Variants in NFATC1 observed in about 807,000 individuals in gnomAD.
NFATC1 encodes nuclear factor of activated T cells 1.
Under a neutral mutation model 76.0 loss-of-function variants are expected in NFATC1, and 22 were observed. The observed-to-expected ratio is 0.29, with a 90% CI of 0.21 to 0.41. The LOEUF is 0.41. Ranked by LOEUF, NFATC1 falls within the 10% of genes least tolerant of loss-of-function variation. The pLI is 1.00. For synonymous variants in NFATC1, 704 were observed against 613.1 expected, an observed-to-expected ratio of 1.15 and a Z score of -2.19; for missense variants, 1,357 against 1,337.7, an observed-to-expected ratio of 1.01 and a Z score of -0.23.
At chr18:79,523,105 G>A (rs1315746092) in intron 9 of NFATC1, among the ~76,000 whole-genome samples, 1 of 152,188 alleles carries the variant, frequency 6.6e-6, no homozygotes, top group African/African-American at 2.4e-5. Flanking sequence ...TGCCGCTCCC[G>A]GGGCTGTTGC....
At chr18:79,479,418 C>T (rs2089198230) in intron 8 of NFATC1, among the ~76,000 whole-genome samples, 1 of 152,242 alleles carries the variant, frequency 6.6e-6, no homozygotes. Context: ...TGCAGACGCT[C>T]ACTCACTTTC....
At chr18:79,456,965 C>T (rs1040206086) in intron 6 of NFATC1, among the ~76,000 whole-genome samples, 20 of 152,344 alleles carry the variant, frequency 1.3e-4, no homozygotes, top group Admixed American at 3.3e-4. Context: ...AAGGCAGCAT[C>T]GCAATGACAA....
chr18:79,396,194 C>T lies in NFATC1; in HGVS notation c.-31C>T, dbSNP rs527278438. On this transcript the variant is annotated 5_prime_UTR_variant, in exon 1 of 10. Transcript: ENST00000427363. ...CGGCCGCTTCTCCTGTGCCTCCGCC[C>T]GCCGCTCCACTCCCCGCCGCCGCCG... is the stretch of plus-strand genomic sequence containing the variant. 8.3e-6 allele frequency: 12 copies of T among 1,454,418 alleles called. No homozygotes were observed. The East Asian group carries it at 2.8e-4, about 34-fold the overall frequency. The allele number at this position is 1,454,418 out of a possible 1,614,324, so 90.1% of individuals were successfully genotyped here.
intron 1 of NFATC1, among the ~76,000 whole-genome samples, chr18:79,405,071 G>A (rs753846178): frequency 2.3e-4 from 35 of 152,148 alleles, no homozygotes; most frequent in Admixed American, 5.9e-4. Context: ...CCTGAGAGCC[G>A]GGTGCTCCCC....
intron 1 of NFATC1, among the ~76,000 whole-genome samples, chr18:79,397,819 G>C (rs569607409): frequency 6.6e-6 from 1 of 152,168 alleles, no homozygotes; most frequent in Non-Finnish European, 1.5e-5. Context: ...ACACGACGGG[G>C]CAGTGGCTAG....
At chr18:79,476,908 C>A (rs1042887670) in intron 8 of NFATC1, among the ~76,000 whole-genome samples, 2 of 152,204 alleles carry the variant, frequency 1.3e-5, no homozygotes, top group Non-Finnish European at 2.9e-5. Context: ...CCTTGGAACG[C>A]GCTTCAGCAG....
chr18:79,491,458 G>A (rs1192929125), intron 9 of NFATC1, among the ~76,000 whole-genome samples: 1 of 152,206 alleles, frequency 6.6e-6, no homozygotes, highest in Non-Finnish European at 1.5e-5. Context: ...AGCTGGGGTT[G>A]GAGGAAACAG....
At chr18:79,400,973 C>T (rs1366572819) in intron 1 of NFATC1, among the ~76,000 whole-genome samples, 1 of 83,996 alleles carries the variant, frequency 1.2e-5, no homozygotes, top group African/African-American at 4.6e-5. Flanking sequence ...GCCGCCGTCT[C>T]CCCACGCCCC....
At chr18:79,417,854 G>A (rs1600645867) in intron 2 of NFATC1, among the ~76,000 whole-genome samples, 1 of 63,568 alleles carries the variant, frequency 1.6e-5, no homozygotes, top group Non-Finnish European at 3.4e-5. Context: ...GAGATCGGCT[G>A]TGGTGGGAGA....
intron 6 of NFATC1, among the ~76,000 whole-genome samples, chr18:79,452,419 G>A (rs1398928204): frequency 6.6e-6 from 1 of 152,210 alleles, no homozygotes; most frequent in Non-Finnish European, 1.5e-5. Context: ...GGGCAGCAGG[G>A]GTGTCCTCGG....
intron 6 of NFATC1, among the ~76,000 whole-genome samples, chr18:79,456,168 G>A (rs375397219): frequency 6.6e-6 from 1 of 152,194 alleles, no homozygotes; most frequent in Middle Eastern, 3.2e-3. Context: ...CAAGGACACG[G>A]AACTGTCACG....
chr18:79,426,543 G>C (rs1041566750), intron 2 of NFATC1, among the ~76,000 whole-genome samples: 4 of 152,040 alleles, frequency 2.6e-5, no homozygotes, highest in Admixed American at 1.3e-4. Flanking sequence ...CATTTGACCT[G>C]TGGGCTCACA....
chr18:79,404,297 G>C (rs887810862), intron 1 of NFATC1, among the ~76,000 whole-genome samples: 2 of 152,208 alleles, frequency 1.3e-5, no homozygotes, highest in African/African-American at 4.8e-5. Flanking sequence ...CTGTGACGAG[G>C]CCATCCTATT....
At chr18:79,420,417 G>T (rs1435920895) in intron 2 of NFATC1, among the ~76,000 whole-genome samples, 1 of 150,922 alleles carries the variant, frequency 6.6e-6, no homozygotes, top group Non-Finnish European at 1.5e-5. Context: ...CTGCAGAGGG[G>T]AAGAGGGGGA....
Position 79,489,327 on chromosome 18 carries a change from C to T in NFATC1, c.2782+2390C>T, listed in dbSNP as rs180814623. ...GGAGTGCACAGACGACTCCCTGACA[C>T]ATGGAAGGGCTGAGGCCAGAGTGCA... On this transcript the variant is annotated intron_variant, in intron 9 of 9. Transcript: ENST00000427363. Among the ~76,000 whole-genome samples the T allele has an allele frequency of 2.0e-4, 30 of 152,274 alleles. No individual in the cohort carries two copies. The East Asian group carries it at 5.6e-3, about 28-fold the overall frequency.
At chr18:79,425,299 C>A (rs2086288055) in intron 2 of NFATC1, among the ~76,000 whole-genome samples, 1 of 139,478 alleles carries the variant, frequency 7.2e-6, no homozygotes, top group African/African-American at 2.5e-5. Flanking sequence ...CTTTCTTACT[C>A]TCTTTCTCTT....
At position 79,427,429 on chromosome 18, in the gene NFATC1, TGGGGGGG is replaced by T. The variant is rs1568947939; in HGVS notation, c.1227-6149_1227-6143del. ...GGATGGCTGGCCTCTGTGCGGTGGG[TGGGGGGG>T]AGCTGGACGGCTGGCCTCTGTGCGG... On this transcript the variant is annotated intron_variant, in intron 2 of 9. Coordinates refer to ENST00000427363, the MANE Select transcript of NFATC1 (RefSeq NM_001278669.2). 8.9e-3 allele frequency among the ~76,000 whole-genome samples: 147 copies of T among 16,568 alleles called. 6 individuals are homozygous for T. The highest frequency in any genetic ancestry group is 0.032 in the African/African-American group (116 of 3,642). 10.9% of individuals were successfully genotyped at this position (16,568 alleles called of 152,430 possible). A position where few individuals can be genotyped will look rare whatever the true frequency, so the allele number is the denominator to read the frequency against.
chr18:79,404,000 G>T (rs1166035321), intron 1 of NFATC1, among the ~76,000 whole-genome samples: 3 of 152,214 alleles, frequency 2.0e-5, no homozygotes, highest in African/African-American at 7.2e-5. Flanking sequence ...CGTTCTAGAG[G>T]TGTTTCCGTG....
chr18:79,453,189 G>A (rs559830156), intron 6 of NFATC1, among the ~76,000 whole-genome samples: 26 of 152,344 alleles, frequency 1.7e-4, no homozygotes, highest in African/African-American at 5.3e-4. Flanking sequence ...GAAACACTTC[G>A]CCCACAGTGT....
Sources: allele counts gnomAD v4.1 joint callset (sites outside exome capture counted in the v4.1 genomes callset), GRCh38; gene constraint gnomAD v4.1.1; transcripts MANE v1.5; gene names NCBI Gene and HGNC (gene_info 2026-07-23, HGNC 2026-07-21).